The following SLC1A1 variants were observed in gnomAD, a reference collection of about 807,000 sequenced individuals.
SLC1A1 encodes solute carrier family 1 member 1, also known as excitatory amino acid transporter 3.
A neutral mutation model predicts 53.3 loss-of-function variants in SLC1A1; 43 were observed. That is an observed-to-expected ratio of 0.81 (90% CI 0.63 to 1.04). The LOEUF (loss-of-function observed/expected upper bound fraction) is 1.04. Among genes scored for constraint, SLC1A1 ranks in the 50% least tolerant of loss-of-function variants. The pLI is 0.00. For missense variants in SLC1A1, 748 were observed against 664.9 expected (o/e 1.12, Z -1.37); for synonymous variants, 307 against 243.2 (o/e 1.26, Z -2.44).
chr9:4,514,145 C>T (rs1191753925), intron 1 of SLC1A1, among the ~76,000 whole-genome samples: 1 of 152,136 alleles, frequency 6.6e-6, no homozygotes, highest in Non-Finnish European at 1.5e-5. Context: ...ACATGTTAAC[C>T]ATAGAACTGT....
chr9:4,567,825 A>G, intron 6 of SLC1A1, 58 bp downstream of exon 6: 1 of 1,029,288 alleles, frequency 9.7e-7, no homozygotes, highest in South Asian at 1.3e-5. Context: ...GTCATGACTG[A>G]GCAGGAAATA....
intron 11 of SLC1A1, among the ~76,000 whole-genome samples, chr9:4,584,403 T>C (rs993435934): frequency 1.3e-5 from 2 of 152,174 alleles, no homozygotes; most frequent in African/African-American, 4.8e-5. Context: ...TCCCTGAGTC[T>C]TCCTGGAACC....
intron 1 of SLC1A1, among the ~76,000 whole-genome samples, chr9:4,499,770 G>C (rs918377450): frequency 2.6e-5 from 4 of 152,204 alleles, no homozygotes; most frequent in Non-Finnish European, 5.9e-5. Context: ...TTAAGATACG[G>C]TGTTTTATTT....
chr9:4,585,356 G>A lies in SLC1A1; in HGVS notation c.1373G>A (p.Gly458Glu). 1 of 1,614,118 alleles carries A rather than the reference G, an allele frequency of 6.2e-7. No homozygotes were observed. Among genetic ancestry groups the A allele is most frequent in the Non-Finnish European group, 8.5e-7 (1 of 1,180,010 alleles). Residue 458 changes from glycine (G) to glutamate (E), a missense_variant, in exon 12 of 12, where the codon GGG becomes GAG. Coordinates refer to ENST00000262352, the MANE Select transcript of SLC1A1 (RefSeq NM_004170.6). Reference sequence around the variant, plus strand: ...GTCAACGTCCTTGGTGATGCTTTTGGGACGGGCATTGTGGAAAAGCTCTCC... The same window carrying A: ...GTCAACGTCCTTGGTGATGCTTTTGAGACGGGCATTGTGGAAAAGCTCTCC... Reference protein sequence around the residue: ...TMVNVLGDAFGTGIVEKLSKK... With the variant: ...TMVNVLGDAFETGIVEKLSKK...
chr9:4,545,484 T>G (rs1817413133), intron 2 of SLC1A1, among the ~76,000 whole-genome samples: 1 of 152,240 alleles, frequency 6.6e-6, no homozygotes, highest in African/African-American at 2.4e-5. Context: ...TTGTCAATTT[T>G]GATCATGTTT....
intron 1 of SLC1A1, among the ~76,000 whole-genome samples, chr9:4,499,529 G>T (rs1343502049): frequency 6.6e-6 from 1 of 152,150 alleles, no homozygotes; most frequent in Admixed American, 6.5e-5. Context: ...TCACTGAAAT[G>T]ATTCTGATTT....
chr9:4,532,520 A>G (rs561267589), intron 1 of SLC1A1, among the ~76,000 whole-genome samples: 23 of 152,300 alleles, frequency 1.5e-4, no homozygotes, highest in Middle Eastern at 3.4e-3. Flanking sequence ...AGAAAAAAGA[A>G]TAAAAAGAAA....
intron 1 of SLC1A1, among the ~76,000 whole-genome samples, chr9:4,541,246 G>C (rs545945381): frequency 7.2e-5 from 11 of 152,310 alleles, no homozygotes; most frequent in Non-Finnish European, 1.3e-4. Context: ...CAAGCAAAAA[G>C]CTGGGAATAG....
At chr9:4,559,181 G>A (rs115705909) in intron 2 of SLC1A1, among the ~76,000 whole-genome samples, 2 of 151,942 alleles carry the variant, frequency 1.3e-5, no homozygotes, top group African/African-American at 2.4e-5. Flanking sequence ...TGTCTTACTG[G>A]GAGGAAAAGA....
chr9:4,546,687 G>A (rs559386628), intron 2 of SLC1A1, among the ~76,000 whole-genome samples: 2 of 152,242 alleles, frequency 1.3e-5, no homozygotes, highest in East Asian at 3.9e-4. Flanking sequence ...TTTAAACATG[G>A]GGTCTTGATA....
chr9:4,546,319 C>T lies in SLC1A1; in HGVS notation c.232+1612C>T, dbSNP rs10758631. Among the ~76,000 whole-genome samples the T allele has an allele frequency of 7.9e-3, 1,202 of 152,006 alleles. 15 individuals are homozygous for T. Among genetic ancestry groups the T allele is most frequent in the Middle Eastern group, 0.017 (5 of 294 alleles). Reference sequence around the variant, plus strand: ...ACCCTAGCAACCTGATTGACACAGCCGCAGACCAATTATTTGTCCCATGTA... The same window carrying T: ...ACCCTAGCAACCTGATTGACACAGCTGCAGACCAATTATTTGTCCCATGTA... On this transcript the variant is annotated intron_variant, in intron 2 of 11. Transcript: ENST00000262352.
intron 1 of SLC1A1, among the ~76,000 whole-genome samples, chr9:4,539,623 G>C (rs777719649): frequency 3.3e-5 from 5 of 152,096 alleles, no homozygotes; most frequent in Non-Finnish European, 5.9e-5. Flanking sequence ...CTAGGCTGGA[G>C]TACAGTGGCA....
intron 1 of SLC1A1, among the ~76,000 whole-genome samples, chr9:4,525,609 C>T (rs1199446160): frequency 3.3e-5 from 5 of 151,792 alleles, no homozygotes; most frequent in South Asian, 2.1e-4. Context: ...TAAAGAAAAA[C>T]AGGTGGAATA....
At chr9:4,514,991 C>G (rs551339058) in intron 1 of SLC1A1, among the ~76,000 whole-genome samples, 78 of 151,994 alleles carry the variant, frequency 5.1e-4, no homozygotes, top group Non-Finnish European at 9.4e-4. Context: ...AGCCGGGGCT[C>G]CTGTATCCCT....
intron 10 of SLC1A1, among the ~76,000 whole-genome samples, chr9:4,579,328 G>GT (rs771470089): frequency 6.6e-6 from 1 of 152,180 alleles, no homozygotes; most frequent in South Asian, 2.1e-4. Flanking sequence ...ATTTCCAAGG[G>GT]TTTTTTCCCA....
intron 2 of SLC1A1, 115 bp downstream of exon 2, chr9:4,544,822 C>A: frequency 1.1e-6 from 1 of 920,364 alleles, no homozygotes; most frequent in Non-Finnish European, 1.7e-6. Context: ...CACAGTTCAT[C>A]CTGGCTCAGA....
chr9:4,578,528 G>A (rs957957996), intron 10 of SLC1A1, among the ~76,000 whole-genome samples: 2 of 152,154 alleles, frequency 1.3e-5, no homozygotes, highest in Non-Finnish European at 2.9e-5. Flanking sequence ...AACCCAAGAG[G>A]GAGAGGGAGA....
At chr9:4,497,803 GTTT>G (rs1563991936) in intron 1 of SLC1A1, among the ~76,000 whole-genome samples, 1 of 151,832 alleles carries the variant, frequency 6.6e-6, no homozygotes, top group Non-Finnish European at 1.5e-5. Context: ...ACTCTTAACT[GTTT>G]TTTTAATTTT....
At chr9:4,579,000 T>TA (rs1254693470) in intron 10 of SLC1A1, among the ~76,000 whole-genome samples, 2 of 152,222 alleles carry the variant, frequency 1.3e-5, no homozygotes, top group African/African-American at 4.8e-5. Context: ...ATTCTAGGGA[T>TA]AAAATCAGAG....
Sources: gnomAD v4.1 joint callset for allele counts (sites outside exome capture counted in the v4.1 genomes callset) on GRCh38, gnomAD v4.1.1 for gene constraint, MANE v1.5 for transcripts, NCBI Gene and HGNC (gene_info 2026-07-23, HGNC 2026-07-21) for gene names.